Variants in ASH1L observed in about 807,000 individuals in gnomAD.
The protein encoded by ASH1L is histone-lysine N-methyltransferase ASH1L.
A neutral mutation model predicts 269.0 loss-of-function variants in ASH1L; 23 were observed. The ratio of observed to expected loss-of-function variants is 0.09; its 90% CI spans 0.06 to 0.12. ASH1L has a LOEUF of 0.12. Among genes scored for constraint, ASH1L ranks in the 10% least tolerant of loss-of-function variants. ASH1L has a pLI of 1.00. For synonymous variants in ASH1L, 1,187 were observed against 1,253.5 expected (o/e 0.95, Z 1.12); for missense variants, 2,912 against 3,567.8 (o/e 0.82, Z 4.68).
At chr1:155,380,819 T>A (rs75034833) in intron 7 of ASH1L, among the ~76,000 whole-genome samples, 3 of 151,220 alleles carry the variant, frequency 2.0e-5, no homozygotes, top group Admixed American at 6.6e-5. Context: ...TTTTTTTTTT[T>A]AGTAGAGACA....
chr1:155,480,208 T>C lies in ASH1L; in HGVS notation c.2662A>G (p.Lys888Glu). 1 of 1,614,124 alleles carries C rather than the reference T, an allele frequency of 6.2e-7. No homozygotes were observed. The highest frequency in any genetic ancestry group is 8.5e-7 in the Non-Finnish European group (1 of 1,179,986). Residue 888 changes from lysine to glutamate, a missense_variant, in exon 3 of 28, where the codon AAA becomes GAA. Physicochemically the swap from Lys to Glu is moderately conservative, Grantham distance 56. Around this residue, in one of 13 missense-constraint regions of ASH1L, gnomAD observed 715 missense variants for 721.0 expected, o/e 0.99. Transcript: ENST00000392403. ...KQGLSVSPFP[K>E]KRGRPKRQMR... is the part of the protein sequence containing the mutation. Reference sequence around the variant, plus strand: ...TGCCTCTTAGGCCTGCCTCTCTTTTTTGGAAAAGGAGACACAGACAGACCT... The same window carrying C: ...TGCCTCTTAGGCCTGCCTCTCTTTTCTGGAAAAGGAGACACAGACAGACCT...
chr1:155,357,501 C>A (rs1227924319), intron 14 of ASH1L, 84 bp downstream of exon 14: 32 of 1,595,936 alleles, frequency 2.0e-5, no homozygotes, highest in Non-Finnish European at 2.7e-5. Flanking sequence ...AAGATGCCAC[C>A]CTCTGGTAAT....
chr1:155,427,455 C>T (rs966923487), intron 5 of ASH1L, among the ~76,000 whole-genome samples: 26 of 152,036 alleles, frequency 1.7e-4, no homozygotes, highest in Non-Finnish European at 1.0e-4. Flanking sequence ...CTATAGGCGC[C>T]CACCACCTGG....
intron 21 of ASH1L, among the ~76,000 whole-genome samples, chr1:155,345,798 C>T (rs901319261): frequency 1.3e-4 from 19 of 149,838 alleles, no homozygotes; most frequent in Non-Finnish European, 3.0e-5. Context: ...TGGTCTCAAA[C>T]TCCTGACCTC....
chr1:155,378,654 T>C (rs575565455), intron 8 of ASH1L, 106 bp from the exon 9 acceptor site: 3 of 862,628 alleles, frequency 3.5e-6, no homozygotes, highest in Non-Finnish European at 5.5e-6. Context: ...TCTGCTCATC[T>C]GGAAATATTT....
intron 13 of ASH1L, 141 bp from the exon 14 acceptor site, chr1:155,357,890 C>G: frequency 1.3e-6 from 1 of 748,606 alleles, no homozygotes; most frequent in Non-Finnish European, 2.1e-6. Context: ...CCTATCTCAG[C>G]CTCCCCAGTA....
chr1:155,482,367 T>C lies in ASH1L; in HGVS notation c.503A>G (p.Gln168Arg). 6.2e-7 allele frequency: 1 copy of C among 1,614,174 alleles called. No homozygotes were observed. Among genetic ancestry groups the C allele is most frequent in the Non-Finnish European group, 8.5e-7 (1 of 1,180,014 alleles). ...CTTAGACAAAGGATTGTTTTCTCCC[T>C]GTGAATGAAGACGGATGACTTCTTC... ...QSEEVIRLHS[Q>R]GENNPLSKKL... The change falls in exon 3 of 28, where the codon CAG (glutamine) becomes CGG (arginine). Residue 168 changes from glutamine to arginine, a missense_variant. Physicochemically the swap from Gln to Arg is conservative, Grantham distance 43. Around this residue, in one of 13 missense-constraint regions of ASH1L, gnomAD observed 277 missense variants for 367.7 expected, o/e 0.75. Transcript: ENST00000392403.
At chr1:155,519,814 T>C (rs116733256) in intron 2 of ASH1L, among the ~76,000 whole-genome samples, 3,310 of 151,876 alleles carry the variant, frequency 0.022, 111 homozygotes, top group African/African-American at 0.076. Context: ...CCTGCCATCA[T>C]GGTTGGCTAA....
intron 6 of ASH1L, among the ~76,000 whole-genome samples, chr1:155,405,055 T>TA (rs1399224595): frequency 4.0e-5 from 6 of 149,176 alleles, no homozygotes; most frequent in Non-Finnish European, 8.9e-5. Flanking sequence ...AGAATAAAAA[T>TA]AAAAAAATAA....
intron 1 of ASH1L, among the ~76,000 whole-genome samples, chr1:155,547,610 C>T (rs6701421): frequency 6.6e-6 from 1 of 151,962 alleles, no homozygotes. Flanking sequence ...GTAACCCTGG[C>T]TACTCGGGAA....
Position 155,562,535 on chromosome 1 carries a change from C to G in ASH1L, c.-482G>C, listed in dbSNP as rs765048110. The G allele has an allele frequency of 1.5e-5, 23 of 1,524,574 alleles. No homozygotes were observed. The Admixed American group carries it at 4.4e-4, about 29-fold the overall frequency. The allele number at this position is 1,524,574 out of a possible 1,614,324, so 94.4% of individuals were successfully genotyped here. A position where few individuals can be genotyped will look rare whatever the true frequency, so the allele number is the denominator to read the frequency against. On this transcript the variant is annotated 5_prime_UTR_variant, in exon 1 of 28. Transcript: ENST00000392403. ...CGCCCCCCTCAACCTTCCACTCCTT[C>G]CTCCTTGCGTTCTTTCCCACCGTCC...
chr1:155,435,594 T>C (rs184887185), intron 5 of ASH1L, among the ~76,000 whole-genome samples: 140 of 149,122 alleles, frequency 9.4e-4, no homozygotes, highest in Non-Finnish European at 1.5e-3. Context: ...ATATATTCTC[T>C]AGAAAAAAGC....
chr1:155,357,078 T>TACACACACACACACACAC (rs61213200), intron 15 of ASH1L, among the ~76,000 whole-genome samples: 1 of 53,084 alleles, frequency 1.9e-5, no homozygotes, highest in African/African-American at 6.9e-5. Context: ...ATCCCAGCTC[T>TACACACACACACACACAC]ACACACACAC....
chr1:155,514,380 T>C (rs1381765346), intron 2 of ASH1L, among the ~76,000 whole-genome samples: 1 of 152,216 alleles, frequency 6.6e-6, no homozygotes, highest in Non-Finnish European at 1.5e-5. Flanking sequence ...TGTTATAAAC[T>C]ATAAATAAAA....
At chr1:155,407,551 CTA>C (rs1162425239) in intron 6 of ASH1L, among the ~76,000 whole-genome samples, 2 of 152,160 alleles carry the variant, frequency 1.3e-5, no homozygotes, top group African/African-American at 4.8e-5. Flanking sequence ...GTTAGATAGA[CTA>C]TGAAGTATCT....
At chr1:155,356,269 G>A (rs1456876540) in intron 15 of ASH1L, among the ~76,000 whole-genome samples, 4 of 151,960 alleles carry the variant, frequency 2.6e-5, no homozygotes, top group East Asian at 1.9e-4. Flanking sequence ...TCTCTACTGC[G>A]GACTCCTTTG....
At chr1:155,384,697 A>C (rs1657272936) in intron 7 of ASH1L, among the ~76,000 whole-genome samples, 1 of 151,820 alleles carries the variant, frequency 6.6e-6, no homozygotes, top group African/African-American at 2.4e-5. Flanking sequence ...CCCAGCCTAA[A>C]ATTGTTTTGT....
chr1:155,435,626 TG>T (rs1208452359), intron 5 of ASH1L, among the ~76,000 whole-genome samples: 1 of 147,150 alleles, frequency 6.8e-6, no homozygotes, highest in Non-Finnish European at 1.5e-5. Flanking sequence ...TATAGGTGGA[TG>T]GAAAAAAAAA....
intron 5 of ASH1L, among the ~76,000 whole-genome samples, chr1:155,427,954 C>G (rs999660077): frequency 6.6e-6 from 1 of 152,164 alleles, no homozygotes. Context: ...CCTTCTCCTT[C>G]TTGCTCCTGC....
Sources: allele counts gnomAD v4.1 joint callset (sites outside exome capture counted in the v4.1 genomes callset), GRCh38; gene constraint gnomAD v4.1.1; regional missense constraint gnomAD v4.1.1; transcripts MANE v1.5; gene names NCBI Gene and HGNC (gene_info 2026-07-23, HGNC 2026-07-21).